ZNF804B: variants seen among roughly 807,000 people sequenced by gnomAD.
The protein encoded by ZNF804B is zinc finger protein 804B.
A neutral mutation model predicts 101.4 loss-of-function variants in ZNF804B; 80 were observed. The ratio of observed to expected loss-of-function variants is 0.79; its 90% CI spans 0.66 to 0.95. ZNF804B has a LOEUF of 0.95. ZNF804B is among the 40% of genes least tolerant of loss of function. The probability of loss-of-function intolerance (pLI) is 0.00; values close to 1 mark genes in which losing one functional copy is unlikely to be tolerated. For synonymous variants in ZNF804B, 622 were observed against 558.8 expected (o/e 1.11, Z -1.59); for missense variants, 1,673 against 1,561.9 (o/e 1.07, Z -1.20).
At chr7:89,171,305 T>G (rs1312377292) in intron 1 of ZNF804B, among the ~76,000 whole-genome samples, 22 of 110,260 alleles carry the variant, frequency 2.0e-4, no homozygotes, top group African/African-American at 7.5e-4. Flanking sequence ...CTTCTTCTTC[T>G]TCTTCTTCTT....
intron 1 of ZNF804B, among the ~76,000 whole-genome samples, chr7:89,004,253 C>A (rs1404097579): frequency 6.6e-6 from 1 of 151,474 alleles, no homozygotes; most frequent in Non-Finnish European, 1.5e-5. Context: ...ATAAGACAGA[C>A]CTATATAAGA....
Position 89,096,294 on chromosome 7 carries a change from G to C in ZNF804B, c.109-121861G>C, listed in dbSNP as rs185909474. ...CTGACAATACAAGTAGGATCAGAATGTAAGTGTGGAAATTCAGTGTCACTA... is the reference window on the plus strand; with the variant it reads ...CTGACAATACAAGTAGGATCAGAATCTAAGTGTGGAAATTCAGTGTCACTA... On this transcript the variant is annotated intron_variant, in intron 1 of 3. Transcript: ENST00000333190. 1.0e-3 allele frequency among the ~76,000 whole-genome samples: 153 copies of C among 152,238 alleles called. 1 individual carries two copies. The highest frequency in any genetic ancestry group is 3.5e-3 in the African/African-American group (144 of 41,546).
intron 1 of ZNF804B, among the ~76,000 whole-genome samples, chr7:89,027,549 C>CT (rs894702674): frequency 1.3e-5 from 2 of 152,158 alleles, no homozygotes; most frequent in Non-Finnish European, 2.9e-5. Flanking sequence ...TTCAGTAAAA[C>CT]TACAGACACT....
intron 1 of ZNF804B, among the ~76,000 whole-genome samples, chr7:88,903,669 C>G (rs1459953671): frequency 6.6e-6 from 1 of 152,098 alleles, no homozygotes; most frequent in Admixed American, 6.6e-5. Context: ...GAGATGGTAT[C>G]TCATTGTTAT....
intron 1 of ZNF804B, among the ~76,000 whole-genome samples, chr7:88,815,770 T>C (rs938979705): frequency 6.6e-6 from 1 of 152,112 alleles, no homozygotes; most frequent in African/African-American, 2.4e-5. Context: ...CCCTGCTCTT[T>C]TGGGGCTCTG....
intron 1 of ZNF804B, among the ~76,000 whole-genome samples, chr7:88,978,620 C>G (rs950798646): frequency 9.9e-5 from 15 of 151,110 alleles, no homozygotes; most frequent in African/African-American, 3.6e-4. Flanking sequence ...TGTGTTTCTT[C>G]TAGGCAACAG....
chr7:89,260,625 T>G (rs2115811675), intron 2 of ZNF804B, among the ~76,000 whole-genome samples: 1 of 152,312 alleles, frequency 6.6e-6, no homozygotes, highest in Non-Finnish European at 1.5e-5. Flanking sequence ...ATAGGCATGC[T>G]TTTCTTATAC....
At chr7:88,884,741 C>T (rs1792098332) in intron 1 of ZNF804B, among the ~76,000 whole-genome samples, 1 of 151,658 alleles carries the variant, frequency 6.6e-6, no homozygotes, top group Non-Finnish European at 1.5e-5. Flanking sequence ...AACATGTTTT[C>T]ATGCTCTTTT....
rs1442325817 is a variant in ZNF804B at position 89,336,632 on chromosome 7, T to G, written c.3650T>G (p.Phe1217Cys). ...ATCCACCACACGTTCCTGCAGCATT[T>G]TGCTGTTTCTGCTTCCTTAAGTTCT... The part of the protein sequence containing the change: ...TTIHHTFLQH[F>C]AVSASLSSHS... Residue 1217 changes from phenylalanine (F) to cysteine (C), a missense_variant, in exon 4 of 4, where the codon TTT becomes TGT. Phe to Cys is a radical substitution (Grantham distance 205, BLOSUM62 -2). Coordinates refer to ENST00000333190, the MANE Select transcript of ZNF804B (RefSeq NM_181646.5). 6.2e-7 allele frequency: 1 copy of G among 1,614,096 alleles called. No homozygotes were observed. Among genetic ancestry groups the G allele is most frequent in the Non-Finnish European group, 8.5e-7 (1 of 1,179,980 alleles).
intron 2 of ZNF804B, among the ~76,000 whole-genome samples, chr7:89,271,991 C>T (rs1044458417): frequency 1.3e-5 from 2 of 151,862 alleles, no homozygotes; most frequent in African/African-American, 4.8e-5. Context: ...TTTTTAAAAA[C>T]CTTCATTGTG....
intron 1 of ZNF804B, among the ~76,000 whole-genome samples, chr7:89,166,713 G>A (rs1012303405): frequency 2.6e-5 from 4 of 152,220 alleles, no homozygotes; most frequent in South Asian, 2.1e-4. Flanking sequence ...TAAACATGAC[G>A]AAAAGTATGT....
chr7:89,017,078 A>G (rs1788577514), intron 1 of ZNF804B, among the ~76,000 whole-genome samples: 1 of 152,052 alleles, frequency 6.6e-6, no homozygotes, highest in South Asian at 2.1e-4. Context: ...ATTCCTAGGT[A>G]TTTTATTCTC....
chr7:89,290,735 A>C, intron 2 of ZNF804B, among the ~76,000 whole-genome samples: 1 of 152,126 alleles, frequency 6.6e-6, no homozygotes, highest in East Asian at 1.9e-4. Context: ...ATAATTTTCT[A>C]AAGTTTCTGA....
intron 1 of ZNF804B, among the ~76,000 whole-genome samples, chr7:89,167,963 TATC>T (rs1455060770): frequency 6.6e-6 from 1 of 152,140 alleles, no homozygotes; most frequent in South Asian, 2.1e-4. Flanking sequence ...GATTTAATAA[TATC>T]ATACAATATC....
At chr7:88,779,855 G>C (rs899688408) in intron 1 of ZNF804B, among the ~76,000 whole-genome samples, 4 of 152,010 alleles carry the variant, frequency 2.6e-5, no homozygotes, top group African/African-American at 9.7e-5. Context: ...GATTCCCCCA[G>C]CAATAGGATC....
chr7:89,210,107 C>A (rs546780179), intron 1 of ZNF804B, among the ~76,000 whole-genome samples: 20 of 150,444 alleles, frequency 1.3e-4, no homozygotes, highest in Admixed American at 2.6e-4. Context: ...GAGATCATGC[C>A]ACTGTACCCC....
intron 1 of ZNF804B, among the ~76,000 whole-genome samples, chr7:89,210,056 G>C (rs905107176): frequency 6.6e-6 from 1 of 151,908 alleles, no homozygotes; most frequent in Non-Finnish European, 1.5e-5. Flanking sequence ...GGCTGAGGCA[G>C]GAGAATCGCT....
chr7:89,016,302 C>A (rs1267717182), intron 1 of ZNF804B, among the ~76,000 whole-genome samples: 50 of 151,874 alleles, frequency 3.3e-4, no homozygotes, highest in East Asian at 2.1e-3. Flanking sequence ...GTTCACTCTG[C>A]TGGTAGTTTC....
At chr7:88,777,278 G>A (rs549313609) in intron 1 of ZNF804B, among the ~76,000 whole-genome samples, 1 of 152,292 alleles carries the variant, frequency 6.6e-6, no homozygotes, top group South Asian at 2.1e-4. Context: ...AAACTCATGA[G>A]CGCTAAGATG....
Sources: gnomAD v4.1 joint callset for allele counts (sites outside exome capture counted in the v4.1 genomes callset) on GRCh38, gnomAD v4.1.1 for gene constraint, MANE v1.5 for transcripts, NCBI Gene and HGNC (gene_info 2026-07-23, HGNC 2026-07-21) for gene names.